The following CFAP69 variants were observed in gnomAD, a reference collection of about 807,000 sequenced individuals.
The protein encoded by CFAP69 is cilia and flagella associated protein 69.
A neutral mutation model predicts 123.0 loss-of-function variants in CFAP69; 92 were observed. The ratio of observed to expected loss-of-function variants is 0.75; its 90% confidence interval spans 0.63 to 0.89. The LOEUF is 0.89. Among genes scored for constraint, CFAP69 ranks in the 40% least tolerant of loss-of-function variants. CFAP69 has a pLI of 0.00. For missense variants in CFAP69, 1,067 were observed against 1,096.9 expected (o/e 0.97, Z 0.39); for synonymous variants, 380 against 364.3 (o/e 1.04, Z -0.49).
Position 90,271,849 on chromosome 7 carries a change from G to C in CFAP69, c.751G>C (p.Asp251His), listed in dbSNP as rs1013607305. The C allele has an allele frequency of 2.5e-6, 4 of 1,605,096 alleles. No individual in the cohort carries two copies. The African/African-American group carries it at 4.0e-5, about 16-fold the overall frequency. ...AATCTGTACTCACCTCAATGACCCA[G>C]ATCCCTCTGGACAGCTTTTATTTCG... The part of the protein sequence containing the change: ...SGICTHLNDP[D>H]PSGQLLFRSS... The change falls in exon 8 of 23, where the codon GAT (aspartate) becomes CAT (histidine). Residue 251 changes from aspartate to histidine, a missense_variant. By Grantham distance (81) the Asp-to-His change is moderately conservative. Transcript: ENST00000389297.
At chr7:90,291,998 A>C (rs556880862) in intron 15 of CFAP69, among the ~76,000 whole-genome samples, 12 of 152,190 alleles carry the variant, frequency 7.9e-5, no homozygotes, top group Non-Finnish European at 1.0e-4. Context: ...ACAGCTGATG[A>C]GACTAGAATC....
chr7:90,269,256 A>G (rs898126912), intron 6 of CFAP69, among the ~76,000 whole-genome samples: 2 of 152,082 alleles, frequency 1.3e-5, no homozygotes, highest in Non-Finnish European at 2.9e-5. Flanking sequence ...AAGATATTGG[A>G]TACTAAAAGC....
At chr7:90,321,527 CCTT>C in the CFAP69 span, among the ~76,000 whole-genome samples, 4 of 152,238 alleles carry the variant, frequency 2.6e-5, no homozygotes, top group Admixed American at 1.3e-4. Flanking sequence ...TTCGCTCTCT[CCTT>C]CTTACTTTGT....
At chr7:90,267,573 C>T (rs933707212) in intron 5 of CFAP69, among the ~76,000 whole-genome samples, 1 of 152,150 alleles carries the variant, frequency 6.6e-6, no homozygotes, top group Non-Finnish European at 1.5e-5. Context: ...TTAGATATGA[C>T]TGAAAACGAA....
intron 6 of CFAP69, among the ~76,000 whole-genome samples, chr7:90,269,191 T>C (rs1799597684): frequency 6.6e-6 from 1 of 152,128 alleles, no homozygotes; most frequent in Non-Finnish European, 1.5e-5. Context: ...GATTATTAAA[T>C]GTCCAGTTTG....
chr7:90,299,277 C>G (rs1357114963), intron 16 of CFAP69, among the ~76,000 whole-genome samples: 1 of 152,080 alleles, frequency 6.6e-6, no homozygotes, highest in Non-Finnish European at 1.5e-5. Flanking sequence ...TTTTGGTGTA[C>G]TGAAAACTAC....
At chr7:90,269,146 T>C (rs936079647) in intron 6 of CFAP69, among the ~76,000 whole-genome samples, 8 of 150,128 alleles carry the variant, frequency 5.3e-5, no homozygotes, top group Admixed American at 2.7e-4. Flanking sequence ...AACAAAAAAA[T>C]GGAACAGCAC....
chr7:90,271,047 G>T (rs1330659009), intron 6 of CFAP69, among the ~76,000 whole-genome samples: 1 of 152,078 alleles, frequency 6.6e-6, no homozygotes, highest in Non-Finnish European at 1.5e-5. Context: ...ACTGACTAGT[G>T]AAAACATTCA....
intron 2 of CFAP69, among the ~76,000 whole-genome samples, chr7:90,257,656 A>G (rs555579891): frequency 6.6e-6 from 1 of 152,174 alleles, no homozygotes; most frequent in Non-Finnish European, 1.5e-5. Context: ...GGCTTATTTC[A>G]CTTAATATCT....
At chr7:90,304,335 A>G in intron 18 of CFAP69, 1 of 1,267,248 alleles carries the variant, frequency 7.9e-7, no homozygotes, top group Non-Finnish European at 9.9e-7. Context: ...GGCAATTCCA[A>G]TGTGCAGATA....
chr7:90,319,213 A>G, the CFAP69 span: 9 of 396,440 alleles, frequency 2.3e-5, no homozygotes, highest in Non-Finnish European at 4.0e-5. Context: ...TAAAAATGAG[A>G]ATCAAAACCT....
intron 1 of CFAP69, among the ~76,000 whole-genome samples, chr7:90,250,222 G>GAGAGAGAGAGAA: frequency 8.6e-6 from 1 of 115,892 alleles, no homozygotes; most frequent in South Asian, 3.1e-4. Flanking sequence ...GAGAGAGAGA[G>GAGAGAGAGAGAA]AGAGAGAGAG....
chr7:90,302,027 T>A (rs944138600), intron 17 of CFAP69: 11 of 152,316 alleles, frequency 7.2e-5, no homozygotes, highest in Admixed American at 6.5e-4. Context: ...CTGACTGATG[T>A]GAGATACTAT....
In CFAP69 at chr7:90,310,888, A is replaced by T. The variant is rs1409436057; in HGVS notation, c.*650A>T. On this transcript the variant is annotated 3_prime_UTR_variant, in exon 23 of 23. Transcript: ENST00000389297. The stretch of plus-strand genomic sequence containing the variant: ...GGGTACTATTATCAGAAGCAAGTAT[A>T]TATGAATATTGGGCAGCAAGATAAA... 1 of 152,252 alleles carries T rather than the reference A, an allele frequency of 6.6e-6. No individual in the cohort carries two copies. The highest frequency in any genetic ancestry group is 1.5e-5 in the Non-Finnish European group (1 of 68,054). 9.4% of individuals were successfully genotyped at this position (152,252 alleles called of 1,614,324 possible). A position where few individuals can be genotyped will look rare whatever the true frequency, so the allele number is the denominator to read the frequency against.
chr7:90,272,088 A>G (rs1800039397), intron 8 of CFAP69, 130 bp downstream of exon 8: 3 of 863,888 alleles, frequency 3.5e-6, no homozygotes, highest in Admixed American at 3.3e-5. Context: ...GTTTCAGGAC[A>G]TCTTTTTTGT....
chr7:90,277,423 C>G lies in CFAP69; in HGVS notation c.1155+89C>G, dbSNP rs28947506. The G allele has an allele frequency of 3.6e-6, 4 of 1,117,968 alleles. No individual in the cohort carries two copies. In the East Asian group the frequency reaches 1.2e-4, roughly 33 times the overall value. 69.3% of individuals were successfully genotyped at this position (1,117,968 alleles called of 1,614,324 possible). ...AAAGTCTTGACTGTAAATATTTTAT[C>G]GGTTCATATATTTACCACAGAAAGC... On this transcript the variant is annotated intron_variant, in intron 11 of 22. Transcript: ENST00000389297.
Position 90,287,721 on chromosome 7 carries a change from C to A in CFAP69, c.1657-513C>A, listed in dbSNP as rs1790510051. ...AATCATAATCTTGCTTACTGGGAAC[C>A]AGAACTGAACAGCAAGGCAATAAGA... is the stretch of plus-strand genomic sequence containing the variant. On this transcript the variant is annotated intron_variant, in intron 14 of 22. Transcript: ENST00000389297. 4 of 985,420 alleles carry A rather than the reference C, an allele frequency of 4.1e-6. No homozygotes were observed. The South Asian group carries it at 1.4e-4, about 35-fold the overall frequency. The allele number at this position is 985,420 out of a possible 1,614,324, so 61.0% of individuals were successfully genotyped here.
At chr7:90,266,174 G>T (rs1799137830) in intron 5 of CFAP69, 1 of 151,914 alleles carries the variant, frequency 6.6e-6, no homozygotes, top group Non-Finnish European at 1.5e-5. Flanking sequence ...CAACTGGAAT[G>T]AAGAAAAAAA....
intron 17 of CFAP69, chr7:90,302,395 C>T (rs1051828955): frequency 1.3e-5 from 2 of 152,078 alleles, no homozygotes; most frequent in Non-Finnish European, 2.9e-5. Context: ...AAATCTTTGC[C>T]CATTCCTAAG....
Sources: allele counts gnomAD v4.1 joint callset (sites outside exome capture counted in the v4.1 genomes callset), GRCh38; gene constraint gnomAD v4.1.1; transcripts MANE v1.5; gene names NCBI Gene and HGNC (gene_info 2026-07-23, HGNC 2026-07-21).